Variants in CNTNAP5 observed in about 807,000 individuals in gnomAD.
CNTNAP5 encodes the protein contactin associated protein family member 5.
CNTNAP5 carries 72 observed loss-of-function variants against 150.2 expected under a neutral mutation model. The observed-to-expected ratio is 0.48, with a 90% CI of 0.40 to 0.58. The LOEUF is 0.58. Among genes scored for constraint, CNTNAP5 ranks in the 20% least tolerant of loss-of-function variants. The pLI, the probability that CNTNAP5 is intolerant of heterozygous loss-of-function variation, is 0.00. For synonymous variants in CNTNAP5, 672 were observed against 619.8 expected (o/e 1.08, Z -1.25); for missense variants, 1,636 against 1,626.2 (o/e 1.01, Z -0.10).
intron 11 of CNTNAP5, among the ~76,000 whole-genome samples, chr2:124,595,909 T>G (rs1239546440): frequency 7.7e-4 from 90 of 117,180 alleles, no homozygotes; most frequent in African/African-American, 2.7e-3. Flanking sequence ...CTTCTAGATT[T>G]TCTAGTTTAT....
At chr2:124,824,379 A>C (rs1038918268) in intron 19 of CNTNAP5, among the ~76,000 whole-genome samples, 3 of 152,178 alleles carry the variant, frequency 2.0e-5, no homozygotes, top group African/African-American at 7.2e-5. Flanking sequence ...AGAAAATAGC[A>C]TGTTGTTGGC....
intron 11 of CNTNAP5, among the ~76,000 whole-genome samples, chr2:124,591,277 C>G (rs968007330): frequency 6.6e-6 from 1 of 152,102 alleles, no homozygotes; most frequent in African/African-American, 2.4e-5. Context: ...GTGATGATTT[C>G]CTCAAAGATG....
At chr2:124,219,069 T>C (rs983253835) in intron 1 of CNTNAP5, among the ~76,000 whole-genome samples, 19 of 152,108 alleles carry the variant, frequency 1.2e-4, no homozygotes, top group Non-Finnish European at 2.5e-4. Flanking sequence ...TAACAATTTA[T>C]ATATGAATGC....
intron 6 of CNTNAP5, among the ~76,000 whole-genome samples, chr2:124,451,079 C>CACAT (rs368868752): frequency 0.015 from 1,384 of 94,932 alleles, 29 homozygotes; most frequent in Middle Eastern, 0.021. Context: ...TATATATATA[C>CACAT]ACACACACAC....
chr2:124,536,051 T>C lies in CNTNAP5; in HGVS notation c.1649+8595T>C, dbSNP rs1268641434. 3.3e-5 allele frequency among the ~76,000 whole-genome samples: 5 copies of C among 152,260 alleles called. No individual in the cohort carries two copies. In the East Asian group the frequency reaches 5.8e-4, roughly 18 times the overall value. Reference sequence around the variant, plus strand: ...TTCTCTAAAATTGAAAGCCTTTACATTGGGCGCCAGAAAAGCCATTGGAAG... The same window carrying C: ...TTCTCTAAAATTGAAAGCCTTTACACTGGGCGCCAGAAAAGCCATTGGAAG... On this transcript the variant is annotated intron_variant, in intron 10 of 23. Coordinates refer to ENST00000682447, the MANE Select transcript of CNTNAP5 (RefSeq NM_001367498.1).
chr2:124,847,231 A>C (rs1026062043), intron 19 of CNTNAP5, among the ~76,000 whole-genome samples: 3 of 152,182 alleles, frequency 2.0e-5, no homozygotes, highest in Non-Finnish European at 2.9e-5. Context: ...CAGAAAGACC[A>C]CCAGGTAGGG....
rs760066117 is a variant in CNTNAP5 at position 124,798,315 on chromosome 2, A to G, written c.3212A>G (p.Lys1071Arg). The stretch of plus-strand genomic sequence containing the variant: ...GACTTCGTGGTTGTTCTGCTCTGCA[A>G]GAATGGTGAGTGTGATGGCATGATA... ...SQDFVVVLLCKNGSLQVRYHL... is the reference protein window; with the variant it reads ...SQDFVVVLLCRNGSLQVRYHL... Residue 1071 changes from lysine to arginine, a missense_variant, in exon 19 of 24, where the codon AAG becomes AGG. By Grantham distance (26) the Lys-to-Arg change is conservative (BLOSUM62 2). Transcript: ENST00000682447. 1.9e-6 allele frequency: 3 copies of G among 1,608,522 alleles called. No homozygotes were observed. Among genetic ancestry groups the G allele is most frequent in the Admixed American group, 1.7e-5 (1 of 60,010 alleles).
chr2:124,653,914 C>A (rs542519288), intron 13 of CNTNAP5, among the ~76,000 whole-genome samples: 8 of 128,736 alleles, frequency 6.2e-5, no homozygotes, highest in South Asian at 2.8e-4. Flanking sequence ...GCCCCCAACC[C>A]CCCCCCCCCG....
intron 19 of CNTNAP5, among the ~76,000 whole-genome samples, chr2:124,830,543 G>A (rs1022206409): frequency 6.6e-6 from 1 of 151,966 alleles, no homozygotes; most frequent in African/African-American, 2.4e-5. Context: ...CCAGGGTCAT[G>A]AATGTACACT....
intron 19 of CNTNAP5, among the ~76,000 whole-genome samples, chr2:124,825,612 TAATCAGAA>T (rs1387747363): frequency 6.6e-6 from 1 of 152,194 alleles, no homozygotes; most frequent in African/African-American, 2.4e-5. Flanking sequence ...AACTCATTCT[TAATCAGAA>T]CAGCTTTTGA....
intron 13 of CNTNAP5, among the ~76,000 whole-genome samples, chr2:124,674,805 G>T (rs1267699585): frequency 6.6e-6 from 1 of 151,682 alleles, no homozygotes; most frequent in Non-Finnish European, 1.5e-5. Flanking sequence ...AGTTTAAATT[G>T]TTGATTTTTA....
At chr2:124,226,497 T>C (rs1686463538) in intron 2 of CNTNAP5, among the ~76,000 whole-genome samples, 1 of 152,150 alleles carries the variant, frequency 6.6e-6, no homozygotes, top group African/African-American at 2.4e-5. Flanking sequence ...AATGTTTGGG[T>C]ATTAACCCCT....
intron 7 of CNTNAP5, among the ~76,000 whole-genome samples, chr2:124,485,631 A>AAAAAAAAAAAAAAAAAGAAGAAG (rs1457112306): frequency 4.5e-5 from 6 of 134,196 alleles, no homozygotes; most frequent in African/African-American, 1.2e-4. Context: ...AAAAAAAAAA[A>AAAAAAAAAAAAAAAAAGAAGAAG]AAAGAAGAAG....
At chr2:124,309,851 G>A (rs369802121) in intron 3 of CNTNAP5, among the ~76,000 whole-genome samples, 38 of 152,268 alleles carry the variant, frequency 2.5e-4, no homozygotes, top group Non-Finnish European at 4.7e-4. Flanking sequence ...CAAGGCAGGC[G>A]ATCTTTTCTA....
chr2:124,150,514 C>T (rs1451227706), intron 1 of CNTNAP5, among the ~76,000 whole-genome samples: 4 of 152,172 alleles, frequency 2.6e-5, no homozygotes, highest in African/African-American at 9.7e-5. Flanking sequence ...GCTTAAAAAA[C>T]AGACATTAAC....
In CNTNAP5 at chr2:124,170,611, G is replaced by A. The variant is rs1314097250; in HGVS notation, c.83-51094G>A. 3.3e-5 allele frequency among the ~76,000 whole-genome samples: 5 copies of A among 152,156 alleles called. No individual in the cohort carries two copies. The East Asian group carries it at 7.7e-4, about 24-fold the overall frequency. On this transcript the variant is annotated intron_variant, in intron 1 of 23. Transcript: ENST00000682447. The stretch of plus-strand genomic sequence containing the variant: ...AGGAGTGCCCTGGGTAAGCTACCAC[G>A]GTGGTGAGGTGCATTTGGGTAAGTG...
intron 3 of CNTNAP5, among the ~76,000 whole-genome samples, chr2:124,310,060 T>TC (rs1057459086): frequency 2.7e-5 from 4 of 150,740 alleles, no homozygotes; most frequent in African/African-American, 9.7e-5. Context: ...CTCTTACCTT[T>TC]TTTTTTTTTT....
rs1424837759 is a variant in CNTNAP5 at position 124,025,382 on chromosome 2, G to C, written c.-269G>C. ...GGGTTTGGATTTGCACCGTTAAGGA[G>C]GGGGGAAGAGAAGGAAGAGGCGGGC... On this transcript the variant is annotated 5_prime_UTR_variant, in exon 1 of 24. Transcript: ENST00000682447. 1.7e-5 allele frequency: 9 copies of C among 520,018 alleles called. No individual in the cohort carries two copies. Among genetic ancestry groups the C allele is most frequent in the African/African-American group, 5.8e-5 (3 of 52,032 alleles). 32.2% of individuals were successfully genotyped at this position (520,018 alleles called of 1,614,324 possible). A position where few individuals can be genotyped will look rare whatever the true frequency, so the allele number is the denominator to read the frequency against.
At position 124,434,854 on chromosome 2, in the gene CNTNAP5, C is replaced by G. The variant is rs1474975246; in HGVS notation, c.733+167C>G. Reference sequence around the variant, plus strand: ...AAGGCATGTATAGCATTCTTTGACACCATATAATATTGACATGTAGGGAGA... The same window carrying G: ...AAGGCATGTATAGCATTCTTTGACAGCATATAATATTGACATGTAGGGAGA... On this transcript the variant is annotated intron_variant, in intron 5 of 23. Transcript: ENST00000682447. Among the ~76,000 whole-genome samples the G allele has an allele frequency of 3.9e-5, 6 of 152,150 alleles. No individual in the cohort carries two copies. The South Asian group carries it at 1.2e-3, about 32-fold the overall frequency.
Sources: allele counts gnomAD v4.1 joint callset (sites outside exome capture counted in the v4.1 genomes callset), GRCh38; gene constraint gnomAD v4.1.1; transcripts MANE v1.5; gene names NCBI Gene and HGNC (gene_info 2026-07-23, HGNC 2026-07-21).